The following KCNMA1 variants were observed in gnomAD, a reference collection of about 807,000 sequenced individuals.
The protein encoded by KCNMA1 is Calcium-activated potassium channel subunit alpha-1.
A neutral mutation model predicts 140.0 loss-of-function variants in KCNMA1; 29 were observed. That is an observed-to-expected ratio of 0.21 (90% CI 0.15 to 0.28). The LOEUF (loss-of-function observed/expected upper bound fraction) is 0.28. Ranked by LOEUF, KCNMA1 falls within the 10% of genes least tolerant of loss-of-function variation. KCNMA1 has a pLI of 1.00. For missense variants in KCNMA1, 880 were observed against 1,602.2 expected (o/e 0.55, Z 7.70); for synonymous variants, 612 against 611.9 (o/e 1.00, Z 0.00).
At chr10:77,047,060 CA>C in intron 14 of KCNMA1, among the ~76,000 whole-genome samples, 1 of 152,330 alleles carries the variant, frequency 6.6e-6, no homozygotes, top group East Asian at 1.9e-4. Flanking sequence ...GACTCCATAA[CA>C]ATTTGGCATT....
At chr10:77,611,990 G>A (rs2087100899) in intron 1 of KCNMA1, among the ~76,000 whole-genome samples, 1 of 152,206 alleles carries the variant, frequency 6.6e-6, no homozygotes, top group Non-Finnish European at 1.5e-5. Flanking sequence ...CATGATTTAA[G>A]AAATGCAACA....
At chr10:77,346,790 A>G (rs1431665737) in intron 2 of KCNMA1, among the ~76,000 whole-genome samples, 1 of 152,212 alleles carries the variant, frequency 6.6e-6, no homozygotes, top group Non-Finnish European at 1.5e-5. Flanking sequence ...AATTTGATGC[A>G]TCTGTCCTGG....
Position 77,254,643 on chromosome 10 carries a change from T to A in KCNMA1, c.541-3387A>T, listed in dbSNP as rs559742497. Among the ~76,000 whole-genome samples, 3 of 152,328 alleles carry A rather than the reference T, an allele frequency of 2.0e-5. No homozygotes were observed. In the South Asian group the frequency reaches 6.2e-4, roughly 32 times the overall value. On this transcript the variant is annotated intron_variant, in intron 2 of 27. Transcript: ENST00000286628. Reference sequence around the variant, plus strand: ...TAAAATGAACTATTGCCTAGATGGATCATTAGTAACTGGGTAAAGATAGAA... The same window carrying A: ...TAAAATGAACTATTGCCTAGATGGAACATTAGTAACTGGGTAAAGATAGAA...
chr10:77,377,627 C>T (rs2095210015), intron 2 of KCNMA1, among the ~76,000 whole-genome samples: 2 of 152,188 alleles, frequency 1.3e-5, no homozygotes, highest in Non-Finnish European at 2.9e-5. Context: ...ACAGTCTCCT[C>T]CTGACCCCAA....
chr10:76,918,929 C>G (rs1195979117), intron 23 of KCNMA1, among the ~76,000 whole-genome samples: 1 of 149,594 alleles, frequency 6.7e-6, no homozygotes, highest in Admixed American at 6.9e-5. Flanking sequence ...CACACACACA[C>G]ACACACACAC....
At chr10:77,098,574 T>TA (rs2097000589) in intron 9 of KCNMA1, among the ~76,000 whole-genome samples, 1 of 143,622 alleles carries the variant, frequency 7.0e-6, no homozygotes. Context: ...ACCCTAACCT[T>TA]TAAAAAAAAA....
At chr10:77,311,576 T>A (rs532346957) in intron 2 of KCNMA1, among the ~76,000 whole-genome samples, 3 of 152,304 alleles carry the variant, frequency 2.0e-5, no homozygotes, top group African/African-American at 7.2e-5. Context: ...CTGAACTTTG[T>A]TTTTATCATT....
rs749614156 is a variant in KCNMA1 at position 77,558,135 on chromosome 10, AC to A, written c.378+79129del. ...TCACAACAAACCTGTGACATTTCTT[AC>A]CCCCTATGAATGGTTAAGGAAAAGA... On this transcript the variant is annotated intron_variant, in intron 1 of 27. Transcript: ENST00000286628. 4.4e-4 allele frequency among the ~76,000 whole-genome samples: 67 copies of A among 152,244 alleles called. 1 individual carries two copies. The highest frequency in any genetic ancestry group is 7.6e-4 in the Non-Finnish European group (52 of 68,004).
At chr10:77,602,386 G>A (rs531219362) in intron 1 of KCNMA1, among the ~76,000 whole-genome samples, 39 of 152,276 alleles carry the variant, frequency 2.6e-4, no homozygotes, top group Admixed American at 1.3e-3. Context: ...GTTCAGTAGC[G>A]TCTGAGGCTG....
At chr10:76,894,522 T>C (rs1055822282) in intron 25 of KCNMA1, among the ~76,000 whole-genome samples, 3 of 152,166 alleles carry the variant, frequency 2.0e-5, no homozygotes, top group Non-Finnish European at 2.9e-5. Context: ...TGAAGGACAC[T>C]ATCCAAAAAG....
intron 19 of KCNMA1, among the ~76,000 whole-genome samples, chr10:76,972,075 A>C (rs10824477): frequency 0.31 from 46,692 of 151,928 alleles, 7,584 homozygotes; most frequent in East Asian, 0.48. Flanking sequence ...AGACAAGGTC[A>C]TCTTTTAATA....
In KCNMA1 at chr10:77,329,993, A is replaced by T. The variant is rs117545965; in HGVS notation, c.540+73869T>A. On this transcript the variant is annotated intron_variant, in intron 2 of 27. Transcript: ENST00000286628. Reference sequence around the variant, plus strand: ...AAGGATAAATGTTAATATTATAATTAGTTTTATTGTTATTATTATTGTTGT... The same window carrying T: ...AAGGATAAATGTTAATATTATAATTTGTTTTATTGTTATTATTATTGTTGT... Among the ~76,000 whole-genome samples the T allele has an allele frequency of 6.8e-4, 104 of 152,342 alleles. 1 individual carries two copies. The East Asian group carries it at 0.02, about 29-fold the overall frequency.
intron 15 of KCNMA1, among the ~76,000 whole-genome samples, chr10:77,037,718 G>T (rs181223636): frequency 6.6e-6 from 1 of 152,158 alleles, no homozygotes; most frequent in Non-Finnish European, 1.5e-5. Flanking sequence ...TCCCGCAGGC[G>T]CTGGCAGCTC....
chr10:77,379,588 TCAAA>T (rs1411036733), intron 2 of KCNMA1, among the ~76,000 whole-genome samples: 3 of 148,926 alleles, frequency 2.0e-5, no homozygotes, highest in Non-Finnish European at 4.5e-5. Flanking sequence ...AAGAAAACAA[TCAAA>T]CAAACAACAA....
Position 77,637,582 on chromosome 10 carries a change from T to TGCCTCCGCCGCCGCC in KCNMA1, c.46_60dup (p.Gly16_Gly20dup). On this transcript the variant is annotated inframe_insertion, in exon 1 of 28. Transcript: ENST00000286628. ...ATATTGCTACTCATTCTAAGACTGCTGCCTCCGCCGCCGCCGCCGCCGCCG... is the reference window on the plus strand; with the variant it reads ...ATATTGCTACTCATTCTAAGACTGCTGCCTCCGCCGCCGCCGCCTCCGCCGCCGCCGCCGCCGCCG... 6.5e-7 allele frequency: 1 copy of TGCCTCCGCCGCCGCC among 1,532,246 alleles called. No individual in the cohort carries two copies. The highest frequency in any genetic ancestry group is 8.8e-7 in the Non-Finnish European group (1 of 1,142,286). 94.9% of individuals were successfully genotyped at this position (1,532,246 alleles called of 1,614,324 possible).
intron 1 of KCNMA1, among the ~76,000 whole-genome samples, chr10:77,470,380 A>G (rs891807289): frequency 6.6e-6 from 1 of 151,922 alleles, no homozygotes; most frequent in African/African-American, 2.4e-5. Context: ...CAAAGGGAAG[A>G]CTCCGGGTGG....
Position 76,886,260 on chromosome 10 carries a change from C to T in KCNMA1, c.*1006G>A, listed in dbSNP as rs200955430. The T allele has an allele frequency of 5.8e-4, 569 of 985,332 alleles. No homozygotes were observed. The highest frequency in any genetic ancestry group is 8.0e-4 in the Admixed American group (13 of 16,282). The allele number at this position is 985,332 out of a possible 1,614,324, so 61.0% of individuals were successfully genotyped here. Reference sequence around the variant, plus strand: ...ATCAAACAAAGGGGAGTAAAAAGATCCCCTGAGAATGCATGGAAAAATACT... The same window carrying T: ...ATCAAACAAAGGGGAGTAAAAAGATTCCCTGAGAATGCATGGAAAAATACT... On this transcript the variant is annotated 3_prime_UTR_variant, in exon 28 of 28. Coordinates refer to ENST00000286628, the MANE Select transcript of KCNMA1 (RefSeq NM_001161352.2).
At chr10:77,379,016 C>T (rs1381335588) in intron 2 of KCNMA1, among the ~76,000 whole-genome samples, 1 of 152,190 alleles carries the variant, frequency 6.6e-6, no homozygotes, top group Non-Finnish European at 1.5e-5. Context: ...CATTTTGACG[C>T]CCTTGGTAAT....
chr10:77,240,017 A>G (rs1158942432), intron 3 of KCNMA1, among the ~76,000 whole-genome samples: 1 of 152,188 alleles, frequency 6.6e-6, no homozygotes, highest in South Asian at 2.1e-4. Context: ...AATTACTAAC[A>G]CTTACACACT....
Sources: allele counts gnomAD v4.1 joint callset (sites outside exome capture counted in the v4.1 genomes callset), GRCh38; gene constraint gnomAD v4.1.1; transcripts MANE v1.5; gene names NCBI Gene and HGNC (gene_info 2026-07-23, HGNC 2026-07-21).